Variants in DMD observed in about 807,000 individuals in gnomAD.
DMD encodes the protein mutant dystrophin.
In DMD, 63 loss-of-function variants were observed where a neutral mutation model predicts 330.1. The ratio of observed to expected loss-of-function variants is 0.19; its 90% CI spans 0.16 to 0.24. The LOEUF is 0.24. Among genes scored for constraint, DMD ranks in the 10% least tolerant of loss-of-function variants. The pLI is 1.00. For synonymous variants in DMD, 1,223 were observed against 959.8 expected, an observed-to-expected ratio of 1.27 and a Z score of -5.07; for missense variants, 3,344 against 2,684.1, an observed-to-expected ratio of 1.25 and a Z score of -5.43.
At chrX:32,433,619 A>T (rs1479829515) in intron 29 of DMD, among the ~76,000 whole-genome samples, 2 of 111,269 alleles carry the variant, frequency 1.8e-5, no homozygotes, top group Non-Finnish European at 1.9e-5. Context: ...AGGAGGTTGC[A>T]GTGAGCTGAG....
chrX:31,401,327 A>T (rs900906585), intron 60 of DMD, among the ~76,000 whole-genome samples: 11 of 111,954 alleles, frequency 9.8e-5, no homozygotes, highest in African/African-American at 3.6e-4. Flanking sequence ...TGATGTCGTT[A>T]GAAATATTGA....
intron 43 of DMD, among the ~76,000 whole-genome samples, chrX:32,276,521 G>A (rs1363160281): frequency 8.9e-6 from 1 of 111,754 alleles, no homozygotes; most frequent in African/African-American, 3.3e-5. Context: ...ATTCTGTCTT[G>A]CATCTTGGAT....
Position 31,228,176 on chromosome X carries a change from C to T in DMD, c.9287-5055G>A, listed in dbSNP as rs1371619558. Among the ~76,000 whole-genome samples the T allele has an allele frequency of 5.8e-5, 6 of 104,269 alleles. No homozygotes were observed. In the South Asian group the frequency reaches 1.3e-3, roughly 23 times the overall value. 90.5% of individuals were successfully genotyped at this position (104,269 alleles called of 115,157 possible). On this transcript the variant is annotated intron_variant, in intron 63 of 78. Coordinates refer to ENST00000357033, the MANE Select transcript of DMD (RefSeq NM_004006.3). ...ATGCTAGATGACGAGTTAGTGGGTG[C>T]AGCGCACCAGCATGGCACATGTATA...
At chrX:32,833,218 G>T (rs1569531095) in intron 4 of DMD, among the ~76,000 whole-genome samples, 1 of 111,222 alleles carries the variant, frequency 9.0e-6, no homozygotes, top group Non-Finnish European at 1.9e-5. Context: ...CATTGCAGGA[G>T]AATTATTTTT....
chrX:33,141,138 T>C (rs2047774783), intron 1 of DMD, among the ~76,000 whole-genome samples: 1 of 111,631 alleles, frequency 9.0e-6, no homozygotes, highest in Non-Finnish European at 1.9e-5. Flanking sequence ...TTGCCTAAGG[T>C]CACAGTCATT....
At chrX:32,393,058 A>T (rs1055961248) in intron 30 of DMD, among the ~76,000 whole-genome samples, 1 of 112,506 alleles carries the variant, frequency 8.9e-6, no homozygotes, top group Non-Finnish European at 1.9e-5. Context: ...TAGTGGGAAT[A>T]ATAAATGGCT....
At chrX:32,743,671 T>C (rs776812418) in intron 7 of DMD, among the ~76,000 whole-genome samples, 1 of 110,771 alleles carries the variant, frequency 9.0e-6, no homozygotes, top group East Asian at 2.9e-4. Flanking sequence ...ATGTGTTCAG[T>C]GGGTGAGGAA....
chrX:31,360,002 GC>G (rs1299688591), intron 60 of DMD, among the ~76,000 whole-genome samples: 4 of 111,632 alleles, frequency 3.6e-5, no homozygotes, highest in African/African-American at 1.3e-4. Context: ...AATTGGGTAA[GC>G]TTTTGATGGG....
intron 1 of DMD, among the ~76,000 whole-genome samples, chrX:33,133,108 A>G (rs959263204): frequency 1.8e-5 from 2 of 109,898 alleles, no homozygotes; most frequent in Non-Finnish European, 3.8e-5. Context: ...CTTTGATTTT[A>G]AAGAAATAGT....
intron 50 of DMD, among the ~76,000 whole-genome samples, chrX:31,778,137 A>G: frequency 8.9e-6 from 1 of 112,819 alleles, no homozygotes; most frequent in Non-Finnish European, 1.9e-5. Flanking sequence ...GGGGAGGACC[A>G]GAATAAGAAG....
intron 9 of DMD, among the ~76,000 whole-genome samples, chrX:32,650,980 C>G (rs1383595075): frequency 9.0e-6 from 1 of 111,545 alleles, no homozygotes; most frequent in African/African-American, 3.3e-5. Flanking sequence ...AATTAGATGA[C>G]TTGCCAAAGG....
At chrX:31,776,882 A>G (rs970604022) in intron 50 of DMD, among the ~76,000 whole-genome samples, 5 of 111,983 alleles carry the variant, frequency 4.5e-5, no homozygotes, top group Middle Eastern at 4.2e-3. Flanking sequence ...TGCGCCAGTC[A>G]TGGGCAGATA....
intron 43 of DMD, among the ~76,000 whole-genome samples, chrX:32,252,733 A>AATATATAT (rs1363154489): frequency 2.8e-5 from 1 of 35,865 alleles, no homozygotes; most frequent in African/African-American, 1.5e-4. Flanking sequence ...TAAATATATA[A>AATATATAT]ATATATATAT....
At chrX:32,093,912 C>A (rs1330338404) in intron 44 of DMD, among the ~76,000 whole-genome samples, 1 of 109,739 alleles carries the variant, frequency 9.1e-6, no homozygotes. Flanking sequence ...TCATTTTAAC[C>A]CTCCTTTAAA....
chrX:31,283,180 T>G (rs1373956398), intron 62 of DMD, among the ~76,000 whole-genome samples: 2 of 111,558 alleles, frequency 1.8e-5, no homozygotes, highest in Non-Finnish European at 3.8e-5. Flanking sequence ...AGCACAAAAA[T>G]ATTTCCATTT....
intron 7 of DMD, among the ~76,000 whole-genome samples, chrX:32,741,614 G>A (rs2069283428): frequency 1.8e-5 from 2 of 111,214 alleles, no homozygotes; most frequent in South Asian, 7.6e-4. Flanking sequence ...GCATATAAAT[G>A]GACTTCAGAG....
intron 62 of DMD, among the ~76,000 whole-genome samples, chrX:31,313,587 C>T: frequency 9.0e-6 from 1 of 111,529 alleles, no homozygotes; most frequent in Non-Finnish European, 1.9e-5. Flanking sequence ...GGATGTATTG[C>T]ATAGTGGTGA....
intron 23 of DMD, among the ~76,000 whole-genome samples, chrX:32,467,202 C>T (rs1057218515): frequency 1.8e-5 from 2 of 112,371 alleles, no homozygotes; most frequent in African/African-American, 6.5e-5. Flanking sequence ...AGCAGCTAGA[C>T]TGGGATTTAA....
At chrX:32,687,757 C>G (rs935476382) in intron 9 of DMD, among the ~76,000 whole-genome samples, 1 of 110,753 alleles carries the variant, frequency 9.0e-6, no homozygotes, top group Non-Finnish European at 1.9e-5. Flanking sequence ...ATAAGAAAAA[C>G]GAATGTTGTT....
Sources: gnomAD v4.1 joint callset for allele counts (sites outside exome capture counted in the v4.1 genomes callset) on GRCh38, gnomAD v4.1.1 for gene constraint, MANE v1.5 for transcripts, NCBI Gene and HGNC (gene_info 2026-07-23, HGNC 2026-07-21) for gene names.